The following CADM1 variants were observed in gnomAD, a reference collection of about 807,000 sequenced individuals.
CADM1 encodes the protein TSLC-1.
CADM1 carries 15 observed loss-of-function variants against 53.1 expected under a neutral mutation model. That is an observed-to-expected ratio of 0.28 (90% CI 0.19 to 0.44). The LOEUF is 0.44. Among genes scored for constraint, CADM1 ranks in the 20% least tolerant of loss-of-function variants. CADM1 has a pLI of 1.00. For synonymous variants in CADM1, 281 were observed against 243.0 expected, an observed-to-expected ratio of 1.16 and a Z score of -1.45; for missense variants, 434 against 611.3, an observed-to-expected ratio of 0.71 and a Z score of 3.06.
intron 8 of CADM1, among the ~76,000 whole-genome samples, chr11:115,201,520 G>A (rs1003967461): frequency 6.6e-6 from 1 of 152,158 alleles, no homozygotes; most frequent in South Asian, 2.1e-4. Context: ...CAGAAAACTG[G>A]AGAAATGTGC....
intron 1 of CADM1, among the ~76,000 whole-genome samples, chr11:115,473,630 T>C (rs1259528143): frequency 1.3e-5 from 2 of 152,144 alleles, no homozygotes; most frequent in Non-Finnish European, 2.9e-5. Flanking sequence ...CAAATGAACA[T>C]TTATAGGCAG....
At chr11:115,196,933 A>T (rs1940186745) in intron 9 of CADM1, among the ~76,000 whole-genome samples, 1 of 152,226 alleles carries the variant, frequency 6.6e-6, no homozygotes, top group Non-Finnish European at 1.5e-5. Context: ...AATGCCTGAG[A>T]TGTAGCAAGC....
intron 1 of CADM1, among the ~76,000 whole-genome samples, chr11:115,384,364 C>T (rs1469555918): frequency 6.6e-6 from 1 of 152,116 alleles, no homozygotes; most frequent in African/African-American, 2.4e-5. Flanking sequence ...GGGCAAAAAC[C>T]ACACTCAAAC....
chr11:115,355,759 G>T (rs1945852757), intron 1 of CADM1, among the ~76,000 whole-genome samples: 1 of 151,816 alleles, frequency 6.6e-6, no homozygotes, highest in Non-Finnish European at 1.5e-5. Flanking sequence ...CAGAAAGCAG[G>T]CTGATTTTAC....
chr11:115,444,824 G>A (rs577378874), intron 1 of CADM1, among the ~76,000 whole-genome samples: 37 of 152,316 alleles, frequency 2.4e-4, no homozygotes, highest in African/African-American at 8.2e-4. Context: ...GCAAAGGTCA[G>A]TAAGCAGATT....
chr11:115,355,914 C>A (rs1210005501), intron 1 of CADM1, among the ~76,000 whole-genome samples: 2 of 152,190 alleles, frequency 1.3e-5, no homozygotes, highest in Admixed American at 6.5e-5. Context: ...CTCACTGCAA[C>A]CTCCGCCTCC....
At chr11:115,480,949 C>T (rs1949245445) in intron 1 of CADM1, among the ~76,000 whole-genome samples, 1 of 152,116 alleles carries the variant, frequency 6.6e-6, no homozygotes, top group Non-Finnish European at 1.5e-5. Context: ...CCTCCTGAGC[C>T]TCATCATGGC....
chr11:115,409,237 C>T (rs1475212315), intron 1 of CADM1, among the ~76,000 whole-genome samples: 2 of 152,108 alleles, frequency 1.3e-5, no homozygotes, highest in Admixed American at 6.5e-5. Flanking sequence ...AGAACACTGG[C>T]ATTTCAGGCA....
intron 1 of CADM1, among the ~76,000 whole-genome samples, chr11:115,295,549 T>TATAA (rs1242865488): frequency 2.2e-3 from 113 of 51,670 alleles, no homozygotes; most frequent in Admixed American, 0.019. Context: ...TATATATATA[T>TATAA]AATATATATG....
intron 1 of CADM1, among the ~76,000 whole-genome samples, chr11:115,404,260 A>G (rs1361910395): frequency 7.1e-6 from 1 of 140,312 alleles, no homozygotes; most frequent in Non-Finnish European, 1.5e-5. Flanking sequence ...CAGGAGGTGG[A>G]GGTTGCAGTG....
At chr11:115,479,933 A>C (rs937631888) in intron 1 of CADM1, among the ~76,000 whole-genome samples, 3 of 152,228 alleles carry the variant, frequency 2.0e-5, no homozygotes, top group African/African-American at 4.8e-5. Context: ...AACAGACAAC[A>C]GGAGAGATAT....
chr11:115,475,359 G>A (rs1202922866), intron 1 of CADM1, among the ~76,000 whole-genome samples: 2 of 151,934 alleles, frequency 1.3e-5, no homozygotes, highest in Non-Finnish European at 2.9e-5. Context: ...CACAGATGCA[G>A]AACCTTTGGA....
At position 115,334,295 on chromosome 11, in the gene CADM1, T is replaced by C. The variant is rs80132487; in HGVS notation, c.125-93875A>G. Among the ~76,000 whole-genome samples, 277 of 152,246 alleles carry C rather than the reference T, an allele frequency of 1.8e-3. 1 individual carries two copies. Among genetic ancestry groups the C allele is most frequent in the African/African-American group, 6.3e-3 (260 of 41,564 alleles). On this transcript the variant is annotated intron_variant, in intron 1 of 11. Transcript: ENST00000331581. Reference sequence around the variant, plus strand: ...TCATAAAGAATTGATCACATTTCCCTTTAGAAAGAAGAATATTATCAGCCA... The same window carrying C: ...TCATAAAGAATTGATCACATTTCCCCTTAGAAAGAAGAATATTATCAGCCA...
intron 1 of CADM1, among the ~76,000 whole-genome samples, chr11:115,332,683 T>C (rs1945163036): frequency 6.6e-6 from 1 of 152,054 alleles, no homozygotes; most frequent in African/African-American, 2.4e-5. Flanking sequence ...TATAGGGGAG[T>C]ACCCTTAACC....
chr11:115,272,165 A>T (rs890610982), intron 1 of CADM1, among the ~76,000 whole-genome samples: 4 of 152,114 alleles, frequency 2.6e-5, no homozygotes, highest in Non-Finnish European at 5.9e-5. Flanking sequence ...CATTATTAAA[A>T]TCCCGACCTC....
At chr11:115,403,468 G>A (rs978472336) in intron 1 of CADM1, among the ~76,000 whole-genome samples, 7 of 152,164 alleles carry the variant, frequency 4.6e-5, no homozygotes, top group Non-Finnish European at 1.0e-4. Context: ...CTGACTTGAT[G>A]GTTCTACAGT....
chr11:115,446,907 C>T (rs1001226466), intron 1 of CADM1, among the ~76,000 whole-genome samples: 1 of 152,152 alleles, frequency 6.6e-6, no homozygotes, highest in Non-Finnish European at 1.5e-5. Flanking sequence ...CAATTTGAGA[C>T]CCCTGGGAGC....
intron 1 of CADM1, among the ~76,000 whole-genome samples, chr11:115,474,290 CAAAAAAAAAAAAAAA>C (rs60168853): frequency 4.9e-5 from 1 of 20,214 alleles, no homozygotes; most frequent in Non-Finnish European, 9.4e-5. Context: ...GACTCCATCT[CAAAAAAAAAAAAAAA>C]AAAAAAAAAA....
intron 1 of CADM1, chr11:115,256,900 A>G (rs1401653012): frequency 6.6e-6 from 3 of 455,944 alleles, no homozygotes; most frequent in South Asian, 1.5e-5. Flanking sequence ...CTGGGTTACT[A>G]AGTGCAGTTT....
Sources: gnomAD v4.1 joint callset for allele counts (sites outside exome capture counted in the v4.1 genomes callset) on GRCh38, gnomAD v4.1.1 for gene constraint, MANE v1.5 for transcripts, NCBI Gene and HGNC (gene_info 2026-07-23, HGNC 2026-07-21) for gene names.